PRKG1: variants seen among roughly 807,000 people sequenced by gnomAD.
PRKG1 encodes the protein protein kinase cGMP-dependent 1.
In PRKG1, 35 loss-of-function variants were observed where a neutral mutation model predicts 88.1. That is an observed-to-expected ratio of 0.40 (90% CI 0.30 to 0.53). The LOEUF (loss-of-function observed/expected upper bound fraction) is 0.53. Among genes scored for constraint, PRKG1 ranks in the 20% least tolerant of loss-of-function variants. PRKG1 has a pLI of 0.59. For synonymous variants in PRKG1, 303 were observed against 292.5 expected, an observed-to-expected ratio of 1.04 and a Z score of -0.37; for missense variants, 540 against 839.8, an observed-to-expected ratio of 0.64 and a Z score of 4.41.
chr10:51,822,462 G>GA (rs975557115), intron 4 of PRKG1, among the ~76,000 whole-genome samples: 2 of 151,432 alleles, frequency 1.3e-5, no homozygotes, highest in African/African-American at 2.4e-5. Flanking sequence ...GCTAAATGAA[G>GA]AAAAAAAAGG....
At chr10:51,696,616 T>G (rs1292626400) in intron 3 of PRKG1, 1 of 151,560 alleles carries the variant, frequency 6.6e-6, no homozygotes, top group African/African-American at 2.4e-5. Context: ...CTCTGTAGGG[T>G]GGGATAAGTG....
At chr10:52,213,991 T>G (rs1840048648) in intron 9 of PRKG1, among the ~76,000 whole-genome samples, 1 of 152,152 alleles carries the variant, frequency 6.6e-6, no homozygotes, top group Non-Finnish European at 1.5e-5. Flanking sequence ...AAAATGTATA[T>G]GTTTCAAAAT....
chr10:52,138,930 G>A (rs1412348021), intron 8 of PRKG1, among the ~76,000 whole-genome samples: 1 of 152,048 alleles, frequency 6.6e-6, no homozygotes, highest in African/African-American at 2.4e-5. Flanking sequence ...CAACTCATAA[G>A]ATCAAGGTTG....
chr10:52,244,890 CT>C (rs1344045791), intron 9 of PRKG1, among the ~76,000 whole-genome samples: 91 of 82,486 alleles, frequency 1.1e-3, no homozygotes, highest in Admixed American at 2.2e-3. Context: ...TTAAATAATA[CT>C]TTTTTAATAA....
chr10:51,399,026 C>T lies in PRKG1; in HGVS notation c.479-68697C>T, dbSNP rs78224121. On this transcript the variant is annotated intron_variant, in intron 2 of 17. Transcript: ENST00000373980. ...ACCATCAGCAGTCCTGGGCCTCCAGCTTGCCAACTGCTGTTCTTGGAACTT... is the reference window on the plus strand; with the variant it reads ...ACCATCAGCAGTCCTGGGCCTCCAGTTTGCCAACTGCTGTTCTTGGAACTT... Among the ~76,000 whole-genome samples, 501 of 152,254 alleles carry T rather than the reference C, an allele frequency of 3.3e-3. 8 individuals carry two copies. The East Asian group carries it at 0.086, about 26-fold the overall frequency.
At chr10:52,292,791 C>T (rs1485979487) in intron 17 of PRKG1, among the ~76,000 whole-genome samples, 12 of 151,814 alleles carry the variant, frequency 7.9e-5, no homozygotes, top group Non-Finnish European at 1.3e-4. Flanking sequence ...ATGACAAACC[C>T]ACAGCCAATA....
At chr10:51,976,046 A>G (rs1445300176) in intron 5 of PRKG1, among the ~76,000 whole-genome samples, 1 of 152,106 alleles carries the variant, frequency 6.6e-6, no homozygotes, top group African/African-American at 2.4e-5. Flanking sequence ...AGAAAAGTGC[A>G]AATCAAAACT....
rs542488002 is a variant in PRKG1 at position 51,717,475 on chromosome 10, C to T, written c.593-87110C>T. On this transcript the variant is annotated intron_variant, in intron 3 of 17. Coordinates refer to ENST00000373980, the MANE Select transcript of PRKG1 (RefSeq NM_006258.4). Reference sequence around the variant, plus strand: ...GTGGCTTTGTGCTTAACTCCAGGCACATCCCTAGATTACAGTATGAAATTT... The same window carrying T: ...GTGGCTTTGTGCTTAACTCCAGGCATATCCCTAGATTACAGTATGAAATTT... 2.0e-5 allele frequency among the ~76,000 whole-genome samples: 3 copies of T among 152,286 alleles called. No individual in the cohort carries two copies. In the South Asian group the frequency reaches 6.2e-4, roughly 32 times the overall value.
intron 2 of PRKG1, among the ~76,000 whole-genome samples, chr10:51,202,631 T>C (rs1025245034): frequency 6.6e-6 from 1 of 151,970 alleles, no homozygotes; most frequent in African/African-American, 2.4e-5. Flanking sequence ...GAATATAGAG[T>C]GAGTTAAAAG....
intron 1 of PRKG1, among the ~76,000 whole-genome samples, chr10:51,099,118 CATGT>C (rs1453813502): frequency 6.6e-6 from 1 of 152,080 alleles, no homozygotes; most frequent in Non-Finnish European, 1.5e-5. Flanking sequence ...TAAATTCTTG[CATGT>C]GAACCCTTGT....
chr10:51,820,745 G>A (rs972733116), intron 4 of PRKG1, among the ~76,000 whole-genome samples: 5 of 152,100 alleles, frequency 3.3e-5, no homozygotes, highest in African/African-American at 4.8e-5. Context: ...CCTACTGTAC[G>A]CACTGGGTTT....
chr10:51,946,702 T>C (rs909250272), intron 5 of PRKG1, among the ~76,000 whole-genome samples: 1 of 152,270 alleles, frequency 6.6e-6, no homozygotes, highest in South Asian at 2.1e-4. Flanking sequence ...GCTGCAGGTC[T>C]GTTGGAGTTT....
chr10:51,415,209 T>C (rs1288148182), intron 2 of PRKG1, among the ~76,000 whole-genome samples: 2 of 152,346 alleles, frequency 1.3e-5, no homozygotes, highest in African/African-American at 4.8e-5. Flanking sequence ...GAATACATAG[T>C]ATGTGCCAGG....
chr10:52,207,856 C>T (rs908602667), intron 9 of PRKG1, among the ~76,000 whole-genome samples: 1 of 152,136 alleles, frequency 6.6e-6, no homozygotes, highest in Non-Finnish European at 1.5e-5. Context: ...CCTCCCTTCT[C>T]CACTCTCAAT....
chr10:52,284,923 C>T (rs927249586), intron 14 of PRKG1, among the ~76,000 whole-genome samples: 1 of 151,978 alleles, frequency 6.6e-6, no homozygotes, highest in Non-Finnish European at 1.5e-5. Flanking sequence ...ACATGACCTC[C>T]CTGAATGTTT....
rs182634272 is a variant in PRKG1 at position 51,257,102 on chromosome 10, C to A, written c.478+103772C>A. Among the ~76,000 whole-genome samples the A allele has an allele frequency of 2.6e-5, 4 of 151,422 alleles. No individual in the cohort carries two copies. In the East Asian group the frequency reaches 7.8e-4, roughly 29 times the overall value. On this transcript the variant is annotated intron_variant, in intron 2 of 17. Transcript: ENST00000373980. Reference sequence around the variant, plus strand: ...GGCTCAGATAGCTTAAAGCAAAATTCCTAGGTGTCGAGCTTTAAAAAAATG... The same window carrying A: ...GGCTCAGATAGCTTAAAGCAAAATTACTAGGTGTCGAGCTTTAAAAAAATG...
intron 3 of PRKG1, among the ~76,000 whole-genome samples, chr10:51,543,272 T>A (rs972319102): frequency 6.6e-6 from 1 of 152,196 alleles, no homozygotes; most frequent in Non-Finnish European, 1.5e-5. Context: ...TTTAAATTCT[T>A]GAAAGGTAGG....
chr10:52,107,969 G>A (rs1329966919), intron 7 of PRKG1, among the ~76,000 whole-genome samples: 2 of 152,090 alleles, frequency 1.3e-5, no homozygotes, highest in African/African-American at 2.4e-5. Context: ...GATACAATAT[G>A]GCATGTTTGA....
chr10:51,507,782 A>G (rs1841268512), intron 3 of PRKG1, among the ~76,000 whole-genome samples: 1 of 152,136 alleles, frequency 6.6e-6, no homozygotes. Context: ...AAGGAAGGCT[A>G]GAGCTCTTTC....
Sources: gnomAD v4.1 joint callset for allele counts (sites outside exome capture counted in the v4.1 genomes callset) on GRCh38, gnomAD v4.1.1 for gene constraint, MANE v1.5 for transcripts, NCBI Gene and HGNC (gene_info 2026-07-23, HGNC 2026-07-21) for gene names.